PTPRD: variants seen among roughly 807,000 people sequenced by gnomAD.
PTPRD encodes the protein protein tyrosine phosphatase receptor type D.
In PTPRD, 34 loss-of-function variants were observed where a neutral mutation model predicts 214.5. That is an observed-to-expected ratio of 0.16 (90% CI 0.12 to 0.21). The LOEUF is 0.21. PTPRD is among the 10% of genes least tolerant of loss of function. PTPRD has a pLI of 1.00. For missense variants in PTPRD, 2,545 were observed against 2,398.7 expected, an observed-to-expected ratio of 1.06 and a Z score of -1.27; for synonymous variants, 1,128 against 845.7, an observed-to-expected ratio of 1.33 and a Z score of -5.79.
At chr9:8,476,720 A>G (rs955318843) in intron 30 of PTPRD, among the ~76,000 whole-genome samples, 5 of 152,238 alleles carry the variant, frequency 3.3e-5, no homozygotes, top group Admixed American at 1.3e-4. Context: ...AATACCCCCA[A>G]CATTTGCTTA....
chr9:10,038,193 A>G (rs1795510015), intron 3 of PTPRD, among the ~76,000 whole-genome samples: 1 of 151,982 alleles, frequency 6.6e-6, no homozygotes, highest in African/African-American at 2.4e-5. Context: ...ATTCCTTCTT[A>G]ATTATTGACC....
intron 43 of PTPRD, among the ~76,000 whole-genome samples, chr9:8,334,381 A>T (rs546201368): frequency 6.6e-6 from 1 of 151,758 alleles, no homozygotes; most frequent in Non-Finnish European, 1.5e-5. Flanking sequence ...GATTAAAAAA[A>T]AAACCACTCA....
intron 12 of PTPRD, among the ~76,000 whole-genome samples, chr9:8,659,335 C>A (rs2096982671): frequency 6.6e-6 from 1 of 152,136 alleles, no homozygotes; most frequent in Non-Finnish European, 1.5e-5. Context: ...AATGTTCCAG[C>A]TGAAAACTGA....
chr9:9,434,888 T>C (rs1453594706), intron 8 of PTPRD, among the ~76,000 whole-genome samples: 2 of 148,642 alleles, frequency 1.3e-5, no homozygotes, highest in Non-Finnish European at 3.0e-5. Flanking sequence ...TTATATATTA[T>C]ATAATATTCT....
intron 9 of PTPRD, among the ~76,000 whole-genome samples, chr9:9,229,845 A>C (rs1179231589): frequency 6.6e-6 from 1 of 152,118 alleles, no homozygotes; most frequent in East Asian, 1.9e-4. Context: ...CTGATACTTC[A>C]TATTTGGTTA....
At chr9:10,418,253 T>C (rs1011031493) in intron 2 of PTPRD, among the ~76,000 whole-genome samples, 11 of 151,952 alleles carry the variant, frequency 7.2e-5, no homozygotes, top group Admixed American at 3.3e-4. Flanking sequence ...AAGACAAATA[T>C]AATAGCATTA....
chr9:8,720,181 G>A (rs2098477127), intron 12 of PTPRD, among the ~76,000 whole-genome samples: 1 of 152,178 alleles, frequency 6.6e-6, no homozygotes, highest in African/African-American at 2.4e-5. Flanking sequence ...ATGCCAAGAT[G>A]GCTTGGCTCT....
intron 3 of PTPRD, among the ~76,000 whole-genome samples, chr9:10,113,811 C>G (rs961857731): frequency 1.3e-5 from 2 of 152,170 alleles, no homozygotes; most frequent in Non-Finnish European, 2.9e-5. Context: ...GCATTTCTAA[C>G]AAGCTCTTAG....
intron 10 of PTPRD, among the ~76,000 whole-genome samples, chr9:9,138,578 G>T (rs7038439): frequency 0.086 from 13,151 of 152,120 alleles, 1,378 homozygotes; most frequent in African/African-American, 0.25. Flanking sequence ...CTTTTTAAAA[G>T]TATAGTGTGT....
intron 3 of PTPRD, among the ~76,000 whole-genome samples, chr9:10,202,917 T>C (rs1194574003): frequency 1.3e-5 from 2 of 151,740 alleles, no homozygotes; most frequent in African/African-American, 4.8e-5. Flanking sequence ...AATCTGTGGG[T>C]ACCTTGATCT....
chr9:8,447,318 T>G (rs2095770349), intron 34 of PTPRD, among the ~76,000 whole-genome samples: 1 of 152,240 alleles, frequency 6.6e-6, no homozygotes, highest in Non-Finnish European at 1.5e-5. Context: ...AAATGACACC[T>G]TCCTTTATAC....
intron 12 of PTPRD, among the ~76,000 whole-genome samples, chr9:8,714,260 A>C (rs1209650926): frequency 1.3e-5 from 2 of 152,216 alleles, no homozygotes; most frequent in Non-Finnish European, 2.9e-5. Context: ...ATCCTAACAA[A>C]GCACAAATAT....
chr9:10,593,011 C>G (rs547898188), intron 2 of PTPRD, among the ~76,000 whole-genome samples: 1 of 151,974 alleles, frequency 6.6e-6, no homozygotes, highest in African/African-American at 2.4e-5. Context: ...TCTGTGCCAT[C>G]TTTAAGAGCT....
At chr9:8,336,885 A>G (rs1847441394) in intron 43 of PTPRD, among the ~76,000 whole-genome samples, 1 of 152,236 alleles carries the variant, frequency 6.6e-6, no homozygotes, top group Non-Finnish European at 1.5e-5. Flanking sequence ...ATGCAAATCA[A>G]AACCACAATG....
chr9:10,058,927 G>A (rs1456089336), intron 3 of PTPRD, among the ~76,000 whole-genome samples: 3 of 152,036 alleles, frequency 2.0e-5, no homozygotes, highest in Non-Finnish European at 4.4e-5. Flanking sequence ...ATAATATCTG[G>A]TTCTCTGAAA....
chr9:9,246,463 C>A (rs1459240874), intron 9 of PTPRD, among the ~76,000 whole-genome samples: 3 of 152,038 alleles, frequency 2.0e-5, no homozygotes, highest in African/African-American at 4.8e-5. Context: ...AAACTGCAAA[C>A]TAGAAAAATC....
chr9:10,471,751 A>G (rs1422084922), intron 2 of PTPRD, among the ~76,000 whole-genome samples: 1 of 152,196 alleles, frequency 6.6e-6, no homozygotes, highest in Non-Finnish European at 1.5e-5. Flanking sequence ...TAATAAGTAT[A>G]ACCATAACAT....
intron 3 of PTPRD, among the ~76,000 whole-genome samples, chr9:10,205,221 T>C (rs1225129698): frequency 6.6e-6 from 1 of 152,008 alleles, no homozygotes; most frequent in Non-Finnish European, 1.5e-5. Context: ...TAAAGTTTTA[T>C]TTCAGAATTT....
chr9:8,687,884 T>C (rs2097716742), intron 12 of PTPRD, among the ~76,000 whole-genome samples: 2 of 152,278 alleles, frequency 1.3e-5, no homozygotes, highest in East Asian at 1.9e-4. Context: ...TTGAGAGGCC[T>C]TGGTTCAAAT....
Sources: allele counts gnomAD v4.1 joint callset (sites outside exome capture counted in the v4.1 genomes callset), GRCh38; gene constraint gnomAD v4.1.1; transcripts MANE v1.5; gene names NCBI Gene and HGNC (gene_info 2026-07-23, HGNC 2026-07-21).